Variants in DNAJC1 observed in about 807,000 individuals in gnomAD.
DNAJC1 encodes dnaJ homolog subfamily C member 1.
DNAJC1 carries 58 observed loss-of-function variants against 76.6 expected under a neutral mutation model. The ratio of observed to expected loss-of-function variants is 0.76; its 90% confidence interval spans 0.61 to 0.94. The LOEUF (loss-of-function observed/expected upper bound fraction) is 0.94. Among genes scored for constraint, DNAJC1 ranks in the 40% least tolerant of loss-of-function variants. The pLI, the probability that DNAJC1 is intolerant of heterozygous loss-of-function variation, is 0.00. For missense variants in DNAJC1, 689 were observed against 677.3 expected, an observed-to-expected ratio of 1.02 and a Z score of -0.19; for synonymous variants, 258 against 267.9, an observed-to-expected ratio of 0.96 and a Z score of 0.36.
At chr10:21,932,474 C>G (rs1376081949) in intron 1 of DNAJC1, among the ~76,000 whole-genome samples, 2 of 152,258 alleles carry the variant, frequency 1.3e-5, no homozygotes, top group African/African-American at 4.8e-5. Flanking sequence ...TGAAAATAAC[C>G]TGACAAAAAA....
At chr10:21,884,671 T>C (rs962361729) in intron 7 of DNAJC1, among the ~76,000 whole-genome samples, 1 of 152,148 alleles carries the variant, frequency 6.6e-6, no homozygotes, top group Non-Finnish European at 1.5e-5. Flanking sequence ...TTAGGAGAAA[T>C]GACTGAATAA....
chr10:21,807,838 A>G (rs1030527354), intron 8 of DNAJC1, among the ~76,000 whole-genome samples: 3 of 152,206 alleles, frequency 2.0e-5, no homozygotes, highest in Non-Finnish European at 2.9e-5. Flanking sequence ...CAGAAATCCA[A>G]TTCTTCATAT....
intron 1 of DNAJC1, among the ~76,000 whole-genome samples, chr10:21,988,087 T>A (rs1210954740): frequency 6.6e-6 from 1 of 152,176 alleles, no homozygotes; most frequent in African/African-American, 2.4e-5. Context: ...TAGAATTTAT[T>A]TCTCATTCTT....
At chr10:21,822,729 A>G (rs1004278720) in intron 8 of DNAJC1, among the ~76,000 whole-genome samples, 9 of 152,202 alleles carry the variant, frequency 5.9e-5, no homozygotes, top group South Asian at 2.1e-4. Flanking sequence ...TGATAAACAT[A>G]TCAAGCCAAA....
chr10:21,836,093 A>T (rs896167939), intron 8 of DNAJC1, among the ~76,000 whole-genome samples: 2 of 152,242 alleles, frequency 1.3e-5, no homozygotes, highest in African/African-American at 2.4e-5. Flanking sequence ...CGGGTTACCC[A>T]CAAAGGGAAG....
intron 10 of DNAJC1, among the ~76,000 whole-genome samples, chr10:21,764,120 G>C (rs961515769): frequency 2.0e-5 from 3 of 151,856 alleles, no homozygotes; most frequent in Non-Finnish European, 4.4e-5. Flanking sequence ...AAAAAAAATG[G>C]AAACAAACAA....
chr10:21,942,649 A>T (rs1479245224), intron 1 of DNAJC1, among the ~76,000 whole-genome samples: 39 of 151,944 alleles, frequency 2.6e-4, no homozygotes. Flanking sequence ...TACTAAAAAC[A>T]CAAAAAATTA....
At chr10:21,876,781 G>A (rs550458997) in intron 8 of DNAJC1, among the ~76,000 whole-genome samples, 4 of 152,146 alleles carry the variant, frequency 2.6e-5, no homozygotes, top group Non-Finnish European at 5.9e-5. Flanking sequence ...ACTGACCTTT[G>A]TAGAGCTGTA....
At chr10:21,795,511 C>G (rs1047865506) in intron 9 of DNAJC1, among the ~76,000 whole-genome samples, 14 of 151,872 alleles carry the variant, frequency 9.2e-5, no homozygotes, top group Non-Finnish European at 2.1e-4. Flanking sequence ...ATGTAATATC[C>G]TGAAAAGAAA....
intron 1 of DNAJC1, among the ~76,000 whole-genome samples, chr10:22,001,338 C>T (rs896035608): frequency 6.6e-6 from 1 of 152,166 alleles, no homozygotes; most frequent in African/African-American, 2.4e-5. Context: ...AGTCATCTAA[C>T]AAAGTTAAGA....
At chr10:21,937,723 T>C (rs1018378733) in intron 1 of DNAJC1, among the ~76,000 whole-genome samples, 5 of 152,156 alleles carry the variant, frequency 3.3e-5, no homozygotes, top group African/African-American at 4.8e-5. Flanking sequence ...GCTATTAAAT[T>C]GGTCTCAATA....
intron 6 of DNAJC1, among the ~76,000 whole-genome samples, chr10:21,908,081 TATTA>T (rs1445372765): frequency 4.4e-5 from 5 of 112,532 alleles, no homozygotes; most frequent in South Asian, 2.3e-4. Context: ...CATAAATATA[TATTA>T]TATATAAAAT....
At chr10:21,978,073 T>C (rs1838093204) in intron 1 of DNAJC1, among the ~76,000 whole-genome samples, 1 of 152,166 alleles carries the variant, frequency 6.6e-6, no homozygotes, top group Non-Finnish European at 1.5e-5. Flanking sequence ...TTCAATAGTT[T>C]CTCTTCCTAA....
At chr10:21,757,595 A>G (rs189990817) in intron 11 of DNAJC1, among the ~76,000 whole-genome samples, 1 of 152,144 alleles carries the variant, frequency 6.6e-6, no homozygotes, top group African/African-American at 2.4e-5. Context: ...CTGCATCCCC[A>G]AAGATTACTT....
At chr10:21,792,662 G>C (rs895483507) in intron 9 of DNAJC1, among the ~76,000 whole-genome samples, 1 of 151,842 alleles carries the variant, frequency 6.6e-6, no homozygotes, top group Admixed American at 6.6e-5. Flanking sequence ...TGGAGGCTCA[G>C]GCAGGAGAAT....
intron 7 of DNAJC1, among the ~76,000 whole-genome samples, chr10:21,898,892 G>C (rs1836595524): frequency 1.3e-5 from 2 of 151,482 alleles, no homozygotes; most frequent in Admixed American, 1.3e-4. Context: ...ACAACGCTCA[G>C]AGAGAGGAAC....
At chr10:21,863,253 A>G (rs1037193413) in intron 8 of DNAJC1, among the ~76,000 whole-genome samples, 8 of 152,170 alleles carry the variant, frequency 5.3e-5, no homozygotes, top group Admixed American at 5.2e-4. Flanking sequence ...CCAAAAGCTG[A>G]TGTAGCTCAA....
intron 10 of DNAJC1, among the ~76,000 whole-genome samples, chr10:21,760,387 A>G (rs1245963024): frequency 6.6e-6 from 1 of 152,268 alleles, no homozygotes; most frequent in African/African-American, 2.4e-5. Flanking sequence ...CAACTCATTA[A>G]GATAAAAGGA....
At chr10:21,817,648 A>T (rs1455300328) in intron 8 of DNAJC1, among the ~76,000 whole-genome samples, 1 of 152,258 alleles carries the variant, frequency 6.6e-6, no homozygotes, top group South Asian at 2.1e-4. Flanking sequence ...CTGCAAAAAA[A>T]TTTAAGAATA....
Sources: gnomAD v4.1 joint callset for allele counts (sites outside exome capture counted in the v4.1 genomes callset) on GRCh38, gnomAD v4.1.1 for gene constraint, MANE v1.5 for transcripts, NCBI Gene and HGNC (gene_info 2026-07-23, HGNC 2026-07-21) for gene names.